Variants in CHODL observed in about 807,000 individuals in gnomAD.
CHODL encodes the protein transmembrane protein MT75.
A neutral mutation model predicts 34.5 loss-of-function variants in CHODL; 29 were observed. The observed-to-expected ratio is 0.84, with a 90% CI of 0.63 to 1.15. The LOEUF (loss-of-function observed/expected upper bound fraction) is 1.15. Ranked by LOEUF, CHODL falls within the 50% of genes most tolerant of loss-of-function variation. The probability of loss-of-function intolerance (pLI) is 0.00; values close to 1 mark genes in which losing one functional copy is unlikely to be tolerated. For missense variants in CHODL, 332 were observed against 332.5 expected (o/e 1.00, Z 0.01); for synonymous variants, 125 against 116.1 (o/e 1.08, Z -0.49).
chr21:18,004,398 G>A (rs539945763), intron 1 of CHODL, among the ~76,000 whole-genome samples: 2 of 152,246 alleles, frequency 1.3e-5, no homozygotes, highest in African/African-American at 4.8e-5. Flanking sequence ...TCTTTCTCAA[G>A]GATTAATAAA....
At chr21:18,063,416 G>A (rs1401012349) in intron 2 of CHODL, among the ~76,000 whole-genome samples, 1 of 152,084 alleles carries the variant, frequency 6.6e-6, no homozygotes, top group Non-Finnish European at 1.5e-5. Context: ...TATTGAAGAC[G>A]AACAGCATGA....
chr21:17,998,360 T>C (rs959574168), intron 1 of CHODL, among the ~76,000 whole-genome samples: 4 of 152,194 alleles, frequency 2.6e-5, no homozygotes, highest in African/African-American at 9.7e-5. Context: ...TGTCTGTGGC[T>C]TTTCCAGGTG....
In CHODL at chr21:18,196,552, C is replaced by T. The variant is rs572179578; in HGVS notation, c.-44-59957C>T. Among the ~76,000 whole-genome samples the T allele has an allele frequency of 2.0e-5, 3 of 152,142 alleles. No individual in the cohort carries two copies. In the South Asian group the frequency reaches 6.2e-4, roughly 32 times the overall value. The stretch of plus-strand genomic sequence containing the variant: ...TGCGGGGAGGCGGAGGAAAAGCATT[C>T]GCAAACTCAATATGAATCCATTTCG... On this transcript the variant is annotated intron_variant, in intron 2 of 6. Coordinates refer to the CHODL transcript ENST00000400127.
At chr21:18,164,795 G>C (rs1412563350) in intron 2 of CHODL, among the ~76,000 whole-genome samples, 2 of 151,978 alleles carry the variant, frequency 1.3e-5, no homozygotes, top group Admixed American at 6.6e-5. Context: ...CAAAACTGTC[G>C]ATTACCCCAA....
At chr21:18,061,559 C>G (rs985693481) in intron 2 of CHODL, among the ~76,000 whole-genome samples, 1 of 45,704 alleles carries the variant, frequency 2.2e-5, no homozygotes, top group Non-Finnish European at 6.3e-5. Context: ...CAAAGACAAT[C>G]AAACTCAAAA....
At chr21:17,977,222 C>A (rs1283357590) in intron 1 of CHODL, among the ~76,000 whole-genome samples, 1 of 151,990 alleles carries the variant, frequency 6.6e-6, no homozygotes, top group Non-Finnish European at 1.5e-5. Flanking sequence ...TGTTGTTTGC[C>A]CCTTTAGTTC....
At chr21:18,250,957 T>G (rs562962512) in intron 1 of CHODL, among the ~76,000 whole-genome samples, 9 of 151,770 alleles carry the variant, frequency 5.9e-5, no homozygotes, top group African/African-American at 1.9e-4. Flanking sequence ...AATATTCATC[T>G]AATATTAATA....
intron 1 of CHODL, among the ~76,000 whole-genome samples, chr21:17,955,628 C>T (rs2063489505): frequency 7.3e-6 from 1 of 136,720 alleles, no homozygotes; most frequent in Non-Finnish European, 1.7e-5. Context: ...GCCAAATATA[C>T]CTGAAAATCA....
chr21:18,075,942 A>G lies in CHODL; in HGVS notation c.-45+47971A>G, dbSNP rs1409563405. 5.9e-5 allele frequency among the ~76,000 whole-genome samples: 9 copies of G among 152,178 alleles called. No homozygotes were observed. The East Asian group carries it at 1.7e-3, about 29-fold the overall frequency. ...TCTACCACCCGAGGACACAGCAAAA[A>G]GACAGCTGTTTACAAGTCAGGACGT... On this transcript the variant is annotated intron_variant, in intron 2 of 6. Coordinates refer to the CHODL transcript ENST00000400127.
chr21:17,975,197 C>G (rs182228939), intron 1 of CHODL, among the ~76,000 whole-genome samples: 13 of 152,062 alleles, frequency 8.5e-5, no homozygotes, highest in Admixed American at 8.5e-4. Context: ...GGCCATTGTC[C>G]TAAGCAAACT....
chr21:18,160,981 C>A (rs2073088846), intron 2 of CHODL, among the ~76,000 whole-genome samples: 1 of 152,168 alleles, frequency 6.6e-6, no homozygotes, highest in Admixed American at 6.5e-5. Flanking sequence ...TCTCCACAAC[C>A]TTGCCAGTAT....
At chr21:17,938,494 AAG>A (rs1568806984) in intron 1 of CHODL, among the ~76,000 whole-genome samples, 1 of 4,410 alleles carries the variant, frequency 2.3e-4, no homozygotes, top group African/African-American at 8.3e-4. Context: ...TTTTTTTTTT[AAG>A]GAAAGGGAGT....
chr21:17,939,556 A>G (rs1381668314), intron 1 of CHODL, among the ~76,000 whole-genome samples: 3 of 152,236 alleles, frequency 2.0e-5, no homozygotes, highest in African/African-American at 7.2e-5. Flanking sequence ...TTGATAAATA[A>G]AAAATTAAAC....
intron 2 of CHODL, among the ~76,000 whole-genome samples, chr21:18,200,274 A>G (rs1375016104): frequency 6.6e-6 from 1 of 152,222 alleles, no homozygotes; most frequent in African/African-American, 2.4e-5. Context: ...AGACATAGTT[A>G]TATCTAAAGA....
chr21:18,259,580 C>T (rs570833013), intron 3 of CHODL, among the ~76,000 whole-genome samples: 1 of 152,192 alleles, frequency 6.6e-6, no homozygotes, highest in South Asian at 2.1e-4. Flanking sequence ...ATCTATAAAA[C>T]TAGGGAAAGA....
intron 2 of CHODL, among the ~76,000 whole-genome samples, chr21:18,154,808 G>A (rs1294281164): frequency 1.3e-5 from 2 of 152,096 alleles, no homozygotes; most frequent in African/African-American, 4.8e-5. Context: ...ATTAAATATG[G>A]GTGACAACAA....
intron 2 of CHODL, among the ~76,000 whole-genome samples, chr21:18,179,521 C>G (rs1304451044): frequency 6.6e-6 from 1 of 152,132 alleles, no homozygotes; most frequent in Non-Finnish European, 1.5e-5. Flanking sequence ...TTCTACCACT[C>G]TAGAGTTGTG....
chr21:18,011,289 AT>A (rs5842670), intron 1 of CHODL, among the ~76,000 whole-genome samples: 62,459 of 151,950 alleles, frequency 0.41, 15,729 homozygotes, highest in African/African-American at 0.71. Context: ...AGTTGCCCCC[AT>A]TTTTTTAAAG....
intron 1 of CHODL, among the ~76,000 whole-genome samples, chr21:17,952,386 T>C (rs1231467867): frequency 2.0e-5 from 3 of 152,024 alleles, no homozygotes; most frequent in African/African-American, 4.8e-5. Context: ...ATGATAAGGA[T>C]GATGGCTGTC....
Sources: allele counts gnomAD v4.1 joint callset (sites outside exome capture counted in the v4.1 genomes callset), GRCh38; gene constraint gnomAD v4.1.1; transcripts MANE v1.5; gene names NCBI Gene and HGNC (gene_info 2026-07-23, HGNC 2026-07-21).